The following SH3PXD2B variants were observed in gnomAD, a reference collection of about 807,000 sequenced individuals.
SH3PXD2B encodes the protein SH3 and PX domains 2B.
In SH3PXD2B, 37 loss-of-function variants were observed where a neutral mutation model predicts 73.1. The observed-to-expected ratio is 0.51, with a 90% CI of 0.39 to 0.67. The LOEUF is 0.67. SH3PXD2B is among the 30% of genes least tolerant of loss of function. The probability of loss-of-function intolerance (pLI) is 0.00; values close to 1 mark genes in which losing one functional copy is unlikely to be tolerated. For missense variants in SH3PXD2B, 1,053 were observed against 1,197.8 expected, an observed-to-expected ratio of 0.88 and a Z score of 1.78; for synonymous variants, 457 against 480.5, an observed-to-expected ratio of 0.95 and a Z score of 0.64.
At chr5:172,348,573 A>C (rs1458643460) in intron 10 of SH3PXD2B, among the ~76,000 whole-genome samples, 3 of 151,058 alleles carry the variant, frequency 2.0e-5, no homozygotes, top group Non-Finnish European at 3.0e-5. Flanking sequence ...GTATATGTGT[A>C]TATTCAGTGG....
intron 1 of SH3PXD2B, among the ~76,000 whole-genome samples, chr5:172,447,660 C>T (rs942120412): frequency 6.6e-6 from 1 of 152,182 alleles, no homozygotes; most frequent in Non-Finnish European, 1.5e-5. Context: ...GGGATTTGAA[C>T]CCAAGCTGTC....
chr5:172,350,656 A>G (rs913349758), intron 9 of SH3PXD2B, 67 bp from the exon 10 acceptor site: 2 of 1,474,790 alleles, frequency 1.4e-6, no homozygotes, highest in African/African-American at 2.8e-5. Context: ...CCTTGCTCCT[A>G]CTGGGAATCA....
Position 172,338,524 on chromosome 5 carries a change from A to T in SH3PXD2B, c.2581T>A (p.Phe861Ile), listed in dbSNP as rs367711319. Reference protein sequence around the residue: ...KDSLYVAVADFEGDKDTSSFQ... With the variant: ...KDSLYVAVADIEGDKDTSSFQ... ...CTGCTGGTGTCTTTGTCTCCTTCAA[A>T]GTCGGCCACGGCCACATACAAAGAG... The change falls in exon 13 of 13, where the codon TTT (phenylalanine) becomes ATT (isoleucine). Residue 861 changes from phenylalanine to isoleucine, a missense_variant. Phe to Ile is a conservative substitution (Grantham distance 21). Coordinates refer to ENST00000311601, the MANE Select transcript of SH3PXD2B (RefSeq NM_001017995.3). This position sits in a 1 kb window ranked among gnomAD's most constrained non-coding sequence, Gnocchi z 5.1. The T allele has an allele frequency of 6.2e-7, 1 of 1,614,046 alleles. No homozygotes were observed. Among genetic ancestry groups the T allele is most frequent in the African/African-American group, 1.3e-5 (1 of 74,920 alleles).
chr5:172,329,537 A>ATTTTTTTTTTTTTTTTTTTTT (rs1189125823), downstream of SH3PXD2B, among the ~76,000 whole-genome samples: 5 of 62,952 alleles, frequency 7.9e-5, no homozygotes, highest in Non-Finnish European at 1.4e-4. Flanking sequence ...GATCTTTGTT[A>ATTTTTTTTTTTTTTTTTTTTT]TTCTTTTTTT....
intron 6 of SH3PXD2B, among the ~76,000 whole-genome samples, chr5:172,367,217 C>A (rs1181183312): frequency 6.7e-6 from 1 of 149,828 alleles, no homozygotes; most frequent in Admixed American, 6.6e-5. Context: ...GGATTACAGG[C>A]TTGAGCCACT....
At chr5:172,449,180 G>A (rs182463701) in intron 1 of SH3PXD2B, among the ~76,000 whole-genome samples, 2 of 152,332 alleles carry the variant, frequency 1.3e-5, no homozygotes, top group East Asian at 3.9e-4. Flanking sequence ...TTCCTGGGGT[G>A]AGAATGACTA....
chr5:172,429,978 C>T (rs1759195050), intron 1 of SH3PXD2B, among the ~76,000 whole-genome samples: 2 of 152,162 alleles, frequency 1.3e-5, no homozygotes, highest in Admixed American at 6.5e-5. Flanking sequence ...ACAATGGCCT[C>T]GATTTATATC....
At chr5:172,367,796 C>T (rs1476980291) in intron 6 of SH3PXD2B, among the ~76,000 whole-genome samples, 1 of 152,104 alleles carries the variant, frequency 6.6e-6, no homozygotes, top group African/African-American at 2.4e-5. Flanking sequence ...TTCCTCATTA[C>T]TACTGGTTGA....
At chr5:172,439,229 G>GA (rs1333904314) in intron 1 of SH3PXD2B, among the ~76,000 whole-genome samples, 58 of 54,116 alleles carry the variant, frequency 1.1e-3, no homozygotes, top group African/African-American at 3.9e-3. Context: ...CACAGAAACA[G>GA]AAAAAACAGA....
chr5:172,398,477 A>G (rs1758355529), intron 3 of SH3PXD2B, among the ~76,000 whole-genome samples: 1 of 152,150 alleles, frequency 6.6e-6, no homozygotes, highest in Non-Finnish European at 1.5e-5. Context: ...TATATTCTTC[A>G]TTATATTGAT....
chr5:172,361,793 G>A lies in SH3PXD2B; in HGVS notation c.562+942C>T, dbSNP rs1306024366. Among the ~76,000 whole-genome samples, 3 of 152,316 alleles carry A rather than the reference G, an allele frequency of 2.0e-5. No individual in the cohort carries two copies. The East Asian group carries it at 5.8e-4, about 29-fold the overall frequency. On this transcript the variant is annotated intron_variant, in intron 7 of 12. Transcript: ENST00000311601. ...CTATGTTGAGTAACCAAGGAAGTTT[G>A]GCTGGCTGGCGCTGGTCTCGTGACT...
At chr5:172,356,313 CT>C (rs1296760460) in intron 8 of SH3PXD2B, among the ~76,000 whole-genome samples, 1 of 152,176 alleles carries the variant, frequency 6.6e-6, no homozygotes, top group Non-Finnish European at 1.5e-5. Flanking sequence ...TCCAGCTCTG[CT>C]TGAAGCTAGC....
rs545697482 is a variant in SH3PXD2B at position 172,431,344 on chromosome 5, T to C, written c.76-8848A>G. On this transcript the variant is annotated intron_variant, in intron 1 of 12. Coordinates refer to ENST00000311601, the MANE Select transcript of SH3PXD2B (RefSeq NM_001017995.3). ...CCGGAGCCGTGCTCCAAACACTAGG[T>C]CTGCAGAGAGGATAAGTGAAGGAGA... Among the ~76,000 whole-genome samples the C allele has an allele frequency of 1.1e-3, 163 of 152,324 alleles. 1 individual carries two copies. The highest frequency in any genetic ancestry group is 1.6e-3 in the Admixed American group (24 of 15,302).
intron 1 of SH3PXD2B, among the ~76,000 whole-genome samples, chr5:172,426,038 G>T (rs116413903): frequency 7.4e-4 from 112 of 152,202 alleles, no homozygotes; most frequent in Non-Finnish European, 1.5e-3. Context: ...TCAAAGAATG[G>T]ATTTTTTTCT....
intron 2 of SH3PXD2B, among the ~76,000 whole-genome samples, chr5:172,414,729 G>A (rs1441539122): frequency 2.0e-5 from 3 of 152,200 alleles, no homozygotes; most frequent in Non-Finnish European, 4.4e-5. Context: ...GAACTTCCCC[G>A]TAGGGAGTGT....
At chr5:172,381,090 G>A (rs1278921718) in intron 5 of SH3PXD2B, among the ~76,000 whole-genome samples, 1 of 152,236 alleles carries the variant, frequency 6.6e-6, no homozygotes, top group Non-Finnish European at 1.5e-5. Context: ...GGGAGCATGT[G>A]TCTTTCTCTC....
chr5:172,427,652 G>A (rs1759128631), intron 1 of SH3PXD2B, among the ~76,000 whole-genome samples: 1 of 151,960 alleles, frequency 6.6e-6, no homozygotes, highest in Non-Finnish European at 1.5e-5. Context: ...TGCCTGGCTG[G>A]GAGTTGTTGT....
intron 6 of SH3PXD2B, among the ~76,000 whole-genome samples, chr5:172,370,464 C>T (rs767215629): frequency 1.5e-4 from 23 of 152,128 alleles, no homozygotes; most frequent in Non-Finnish European, 2.6e-4. Flanking sequence ...ATGAGATTTG[C>T]TATAAGCAAG....
intron 6 of SH3PXD2B, among the ~76,000 whole-genome samples, chr5:172,371,931 G>A (rs1466038344): frequency 6.6e-6 from 1 of 152,198 alleles, no homozygotes; most frequent in Non-Finnish European, 1.5e-5. Flanking sequence ...ACTATTTGCA[G>A]CTTTAGCAGG....
Sources: gnomAD v4.1 joint callset for allele counts (sites outside exome capture counted in the v4.1 genomes callset) on GRCh38, gnomAD v4.1.1 for gene constraint, Gnocchi (gnomAD v3.1) non-coding constraint, MANE v1.5 for transcripts, NCBI Gene and HGNC (gene_info 2026-07-23, HGNC 2026-07-21) for gene names.